The following EPHA6 variants were observed in gnomAD, a reference collection of about 807,000 sequenced individuals.
The protein encoded by EPHA6 is ephrin type-A receptor 6.
Under a neutral mutation model 112.0 loss-of-function variants are expected in EPHA6, and 50 were observed. The observed-to-expected ratio is 0.45, with a 90% CI of 0.36 to 0.56. EPHA6 has a LOEUF of 0.56. EPHA6 is among the 20% of genes least tolerant of loss of function. The pLI, the probability that EPHA6 is intolerant of heterozygous loss-of-function variation, is 0.00. For synonymous variants in EPHA6, 529 were observed against 490.7 expected, an observed-to-expected ratio of 1.08 and a Z score of -1.03; for missense variants, 1,280 against 1,417.4, an observed-to-expected ratio of 0.90 and a Z score of 1.56.
chr3:97,641,378 C>A (rs762361920), intron 14 of EPHA6, among the ~76,000 whole-genome samples: 1 of 152,124 alleles, frequency 6.6e-6, no homozygotes, highest in Non-Finnish European at 1.5e-5. Flanking sequence ...TTCAAGCAAA[C>A]CCTGTATAAT....
At chr3:97,166,609 C>T (rs2076549467) in intron 3 of EPHA6, among the ~76,000 whole-genome samples, 1 of 152,168 alleles carries the variant, frequency 6.6e-6, no homozygotes, top group African/African-American at 2.4e-5. Context: ...AAATACAGTG[C>T]CTGGGCTACC....
At chr3:97,245,102 T>A (rs2078950300) in intron 5 of EPHA6, among the ~76,000 whole-genome samples, 3 of 152,164 alleles carry the variant, frequency 2.0e-5, no homozygotes, top group South Asian at 4.1e-4. Flanking sequence ...GAAAAATTTA[T>A]AAAGATAAAA....
chr3:97,024,310 G>A (rs1190288601), intron 3 of EPHA6, among the ~76,000 whole-genome samples: 1 of 152,044 alleles, frequency 6.6e-6, no homozygotes, highest in African/African-American at 2.4e-5. Flanking sequence ...CATGGGAAGA[G>A]GTGGTAAGAT....
chr3:97,609,164 G>C (rs1256694325), intron 12 of EPHA6, among the ~76,000 whole-genome samples: 1 of 151,340 alleles, frequency 6.6e-6, no homozygotes, highest in Non-Finnish European at 1.5e-5. Context: ...CTGCAGGCAG[G>C]GGAAGAAGAC....
intron 3 of EPHA6, among the ~76,000 whole-genome samples, chr3:97,130,615 CTAATT>C (rs1258790060): frequency 6.6e-6 from 1 of 152,080 alleles, no homozygotes; most frequent in Non-Finnish European, 1.5e-5. Flanking sequence ...TATACACATC[CTAATT>C]TGTTTCCTAA....
intron 4 of EPHA6, among the ~76,000 whole-genome samples, chr3:97,237,995 A>G (rs1248165531): frequency 2.0e-5 from 3 of 152,002 alleles, no homozygotes; most frequent in Non-Finnish European, 4.4e-5. Context: ...TGTAATTATT[A>G]CAATTAGTTA....
intron 3 of EPHA6, among the ~76,000 whole-genome samples, chr3:97,081,373 A>G (rs1177155163): frequency 6.6e-6 from 1 of 152,022 alleles, no homozygotes; most frequent in Non-Finnish European, 1.5e-5. Context: ...CAGGCAAAGG[A>G]CAAAAACAGC....
At chr3:96,895,865 T>C (rs893770423) in intron 2 of EPHA6, among the ~76,000 whole-genome samples, 7 of 152,210 alleles carry the variant, frequency 4.6e-5, no homozygotes, top group Non-Finnish European at 7.3e-5. Context: ...AGGCTTCTTA[T>C]AGGGACACCA....
chr3:97,017,986 T>C (rs1483469403), intron 3 of EPHA6, among the ~76,000 whole-genome samples: 1 of 151,538 alleles, frequency 6.6e-6, no homozygotes, highest in East Asian at 2.0e-4. Context: ...TCTTATTCTT[T>C]TTTTTTTTGT....
At chr3:96,994,184 T>C (rs371915281) in intron 3 of EPHA6, 95 of 390,274 alleles carry the variant, frequency 2.4e-4, no homozygotes, top group Non-Finnish European at 4.2e-4. Context: ...ATATTAAGCA[T>C]GTTTGCTAAA....
intron 5 of EPHA6, among the ~76,000 whole-genome samples, chr3:97,308,501 C>T (rs1371875233): frequency 6.6e-6 from 1 of 151,822 alleles, no homozygotes; most frequent in African/African-American, 2.4e-5. Flanking sequence ...CTGTTGTTGT[C>T]AATTCACATA....
At chr3:97,591,506 T>C (rs1300571183) in intron 11 of EPHA6, among the ~76,000 whole-genome samples, 1 of 151,962 alleles carries the variant, frequency 6.6e-6, no homozygotes, top group Non-Finnish European at 1.5e-5. Flanking sequence ...CATTTCAGAG[T>C]GGCTGAACGA....
chr3:97,553,378 C>T (rs1351131135), intron 11 of EPHA6, among the ~76,000 whole-genome samples: 1 of 152,140 alleles, frequency 6.6e-6, no homozygotes, highest in East Asian at 1.9e-4. Flanking sequence ...AAGTAGCCCT[C>T]CCCAACCCCA....
At chr3:96,964,944 G>A (rs1419764718) in intron 2 of EPHA6, among the ~76,000 whole-genome samples, 1 of 152,132 alleles carries the variant, frequency 6.6e-6, no homozygotes, top group Non-Finnish European at 1.5e-5. Context: ...CACGAATCGG[G>A]CAGCCCCCAG....
At chr3:97,197,098 GAA>G (rs2077461300) in intron 3 of EPHA6, among the ~76,000 whole-genome samples, 1 of 152,092 alleles carries the variant, frequency 6.6e-6, no homozygotes, top group Admixed American at 6.5e-5. Context: ...AGCAGATCCA[GAA>G]ATTCTGCCCA....
chr3:96,930,456 G>T (rs1478046713), intron 2 of EPHA6, among the ~76,000 whole-genome samples: 3 of 152,134 alleles, frequency 2.0e-5, no homozygotes, highest in Non-Finnish European at 4.4e-5. Flanking sequence ...CCCTTCTATA[G>T]GGCTGCTGCA....
At chr3:97,702,345 C>T (rs1486578861) in intron 14 of EPHA6, among the ~76,000 whole-genome samples, 1 of 151,964 alleles carries the variant, frequency 6.6e-6, no homozygotes, top group East Asian at 1.9e-4. Flanking sequence ...TTGAAAGTTC[C>T]CATTTGACAA....
chr3:96,843,830 A>G (rs1317987693), intron 1 of EPHA6, among the ~76,000 whole-genome samples: 1 of 152,094 alleles, frequency 6.6e-6, no homozygotes, highest in Admixed American at 6.6e-5. Context: ...ATAGTTAACA[A>G]TAATAAGAAA....
At chr3:97,091,276 G>A (rs1225473156) in intron 3 of EPHA6, among the ~76,000 whole-genome samples, 1 of 152,068 alleles carries the variant, frequency 6.6e-6, no homozygotes, top group East Asian at 1.9e-4. Context: ...TATGCCATTA[G>A]CTCAAAAGGG....
Sources: allele counts gnomAD v4.1 joint callset (sites outside exome capture counted in the v4.1 genomes callset), GRCh38; gene constraint gnomAD v4.1.1; transcripts MANE v1.5; gene names NCBI Gene and HGNC (gene_info 2026-07-23, HGNC 2026-07-21).